The following VCAN variants were observed in gnomAD, a reference collection of about 807,000 sequenced individuals.
VCAN encodes the protein versican, also known as versican core protein.
In VCAN, 44 loss-of-function variants were observed where a neutral mutation model predicts 245.5. That is an observed-to-expected ratio of 0.18 (90% CI 0.14 to 0.23). The LOEUF is 0.23. Ranked by LOEUF, VCAN falls within the 10% of genes least tolerant of loss-of-function variation. The probability of loss-of-function intolerance (pLI) is 1.00; values close to 1 mark genes in which losing one functional copy is unlikely to be tolerated. For missense variants in VCAN, 3,793 were observed against 4,057.9 expected (o/e 0.93, Z 1.77); for synonymous variants, 1,413 against 1,437.0 (o/e 0.98, Z 0.38).
intron 6 of VCAN, among the ~76,000 whole-genome samples, chr5:83,513,953 A>G (rs935372999): frequency 3.3e-5 from 5 of 152,080 alleles, no homozygotes; most frequent in African/African-American, 1.2e-4. Flanking sequence ...TAAAACTGGC[A>G]CTGGAAAACT....
At position 83,521,724 on chromosome 5, in the gene VCAN, T is replaced by C. The variant is rs766439672; in HGVS notation, c.3418T>C (p.Tyr1140His). The C allele has an allele frequency of 1.2e-6, 2 of 1,614,084 alleles. No homozygotes were observed. Among genetic ancestry groups the C allele is most frequent in the Non-Finnish European group, 1.7e-6 (2 of 1,180,004 alleles). Reference sequence around the variant, plus strand: ...TTTAAGTCCAGGGCCTGAACAAAAATATGAAACAGAAGGTAGTAGTACAAC... The same window carrying C: ...TTTAAGTCCAGGGCCTGAACAAAAACATGAAACAGAAGGTAGTAGTACAAC... ...VSLSPGPEQK[Y>H]ETEGSSTTGF... The change falls in exon 7 of 15, where the codon TAT becomes CAT. Residue 1140 changes from tyrosine (Y) to histidine (H), a missense_variant. By Grantham distance (83) the Tyr-to-His change is moderately conservative. Around this residue, in one of 5 missense-constraint regions of VCAN, gnomAD observed 3,182 missense variants for 3,250.3 expected, o/e 0.98. Transcript: ENST00000265077.
Position 83,520,722 on chromosome 5 carries a change from G to A in VCAN, c.2416G>A (p.Asp806Asn). The part of the protein sequence containing the change: ...EAATVSKWSW[D>N]EDNTTSKPLE... ...AGCCACTGTATCAAAATGGTCATGG[G>A]ATGAAGATAATACAACATCCAAGCC... The change falls in exon 7 of 15, where the codon GAT (aspartate) becomes AAT (asparagine). Residue 806 changes from aspartate to asparagine, a missense_variant. Around this residue, in one of 5 missense-constraint regions of VCAN, gnomAD observed 3,182 missense variants for 3,250.3 expected, o/e 0.98. Coordinates refer to ENST00000265077, the MANE Select transcript of VCAN (RefSeq NM_004385.5). The A allele has an allele frequency of 6.2e-7, 1 of 1,614,120 alleles. No individual in the cohort carries two copies. Among genetic ancestry groups the A allele is most frequent in the Non-Finnish European group, 8.5e-7 (1 of 1,179,984 alleles).
chr5:83,568,395 A>G (rs1748162925), intron 12 of VCAN, among the ~76,000 whole-genome samples: 1 of 152,198 alleles, frequency 6.6e-6, no homozygotes, highest in Non-Finnish European at 1.5e-5. Context: ...CTGCACCATT[A>G]AACTACAGCT....
chr5:83,540,799 C>G lies in VCAN; in HGVS notation c.7796C>G (p.Thr2599Arg). ...CTTGGAATGCAAACAGATATAGATACAGAGGTACCATCAGAACCACATGAC... is the reference window on the plus strand; with the variant it reads ...CTTGGAATGCAAACAGATATAGATAGAGAGGTACCATCAGAACCACATGAC... Reference protein sequence around the residue: ...DILGMQTDIDTEVPSEPHDSN... With the variant: ...DILGMQTDIDREVPSEPHDSN... The change falls in exon 8 of 15, where the codon ACA becomes AGA. Residue 2599 changes from threonine to arginine, a missense_variant. Around this residue, in one of 5 missense-constraint regions of VCAN, gnomAD observed 3,182 missense variants for 3,250.3 expected, o/e 0.98. Coordinates refer to ENST00000265077, the MANE Select transcript of VCAN (RefSeq NM_004385.5). 2 of 1,613,916 alleles carry G rather than the reference C, an allele frequency of 1.2e-6. No homozygotes were observed. Among genetic ancestry groups the G allele is most frequent in the Non-Finnish European group, 1.7e-6 (2 of 1,179,954 alleles).
chr5:83,497,720 T>C (rs577124539), intron 5 of VCAN, among the ~76,000 whole-genome samples: 3 of 152,252 alleles, frequency 2.0e-5, no homozygotes, highest in Admixed American at 1.3e-4. Flanking sequence ...TTGGAAAACA[T>C]TGGGAGGGTT....
chr5:83,473,417 C>T (rs1744267844), intron 1 of VCAN, among the ~76,000 whole-genome samples: 1 of 152,136 alleles, frequency 6.6e-6, no homozygotes, highest in South Asian at 2.1e-4. Context: ...TCCTGCCGCG[C>T]GCACACCCGC....
At chr5:83,548,220 T>G (rs997552967) in intron 10 of VCAN, 136 bp downstream of exon 10, 4 of 735,236 alleles carry the variant, frequency 5.4e-6, no homozygotes, top group Non-Finnish European at 9.7e-6. Flanking sequence ...GCTCAAAACA[T>G]CTGAATCATA....
chr5:83,541,128 A>C lies in VCAN; in HGVS notation c.8125A>C (p.Ile2709Leu), dbSNP rs966694558. The C allele has an allele frequency of 6.2e-7, 1 of 1,614,020 alleles. No individual in the cohort carries two copies. Among genetic ancestry groups the C allele is most frequent in the African/African-American group, 1.3e-5 (1 of 74,928 alleles). Residue 2709 changes from isoleucine to leucine, a missense_variant, in exon 8 of 15, where the codon ATA becomes CTA. Physicochemically the swap from Ile to Leu is conservative, Grantham distance 5. This residue lies in a region of VCAN where 3,182 missense variants were observed against 3,250.3 expected (regional missense o/e 0.98). Coordinates refer to ENST00000265077, the MANE Select transcript of VCAN (RefSeq NM_004385.5). ...CACAGTTATTCCAGAGATTGAAGGA[A>C]TAAAAGCTGAAGCAAAAGCCCTGGA... ...SATVIPEIEG[I>L]KAEAKALDDM...
At position 83,539,932 on chromosome 5, in the gene VCAN, A is replaced by T. The variant is rs1746899279; in HGVS notation, c.6929A>T (p.Glu2310Val). The T allele has an allele frequency of 6.2e-7, 1 of 1,614,090 alleles. No homozygotes were observed. Among genetic ancestry groups the T allele is most frequent in the Non-Finnish European group, 8.5e-7 (1 of 1,179,984 alleles). The change falls in exon 8 of 15, where the codon GAA (glutamate) becomes GTA (valine). Residue 2310 changes from glutamate to valine, a missense_variant. By Grantham distance (121) the Glu-to-Val change is moderately radical (BLOSUM62 -2). Transcript: ENST00000265077. Reference protein sequence around the residue: ...DFNRMENVAKEVGPLVSQTDI... With the variant: ...DFNRMENVAKVVGPLVSQTDI... ...AACAGAATGGAAAATGTGGCAAAAG[A>T]AGTTGGACCACTCGTATCTCAAACA...
intron 6 of VCAN, among the ~76,000 whole-genome samples, chr5:83,517,110 A>G (rs545339340): frequency 2.2e-4 from 33 of 152,346 alleles, no homozygotes; most frequent in African/African-American, 7.0e-4. Context: ...ACATATTGCT[A>G]CCACTTTATT....
At chr5:83,505,758 T>C (rs1185818953) in intron 5 of VCAN, among the ~76,000 whole-genome samples, 1 of 152,220 alleles carries the variant, frequency 6.6e-6, no homozygotes, top group African/African-American at 2.4e-5. Context: ...TGCACTGCCC[T>C]AGCAGAGGTT....
intron 14 of VCAN, 48 bp downstream of exon 14, chr5:83,580,210 T>C: frequency 6.2e-7 from 1 of 1,613,916 alleles, no homozygotes; most frequent in Middle Eastern, 1.7e-4. Flanking sequence ...TAACAACTAC[T>C]AGACACCTTC....
Position 83,521,202 on chromosome 5 carries a change from T to C in VCAN, c.2896T>C (p.Tyr966His). The change falls in exon 7 of 15, where the codon TAT (tyrosine) becomes CAT (histidine). Residue 966 changes from tyrosine to histidine, a missense_variant. Physicochemically the swap from Tyr to His is moderately conservative, Grantham distance 83. Around this residue, in one of 5 missense-constraint regions of VCAN, gnomAD observed 3,182 missense variants for 3,250.3 expected, o/e 0.98. Transcript: ENST00000265077. ...TAGTAGCACCCAAGAGCCTACTACT[T>C]ATGTAGACTCTTCCCATACCATTCC... ...SYSSTQEPTT[Y>H]VDSSHTIPLS... The C allele has an allele frequency of 1.2e-6, 2 of 1,613,762 alleles. No individual in the cohort carries two copies. Among genetic ancestry groups the C allele is most frequent in the Non-Finnish European group, 1.7e-6 (2 of 1,179,700 alleles).
Position 83,520,055 on chromosome 5 carries a change from A to C in VCAN, c.1749A>C (p.Ser583=). ...FDQIPEVITV[S]KTSEDTIHTH... is the part of the protein sequence containing the mutation. ...AAATTCCTGAAGTCATTACGGTGTCAAAGACTTCAGAAGACACCATCCACA... is the reference window on the plus strand; with the variant it reads ...AAATTCCTGAAGTCATTACGGTGTCCAAGACTTCAGAAGACACCATCCACA... The change falls in exon 7 of 15, where the codon TCA becomes TCC. Residue 583 remains serine, a synonymous_variant. Coordinates refer to ENST00000265077, the MANE Select transcript of VCAN (RefSeq NM_004385.5). 2.5e-6 allele frequency: 4 copies of C among 1,614,088 alleles called. No homozygotes were observed. The highest frequency in any genetic ancestry group is 3.4e-6 in the Non-Finnish European group (4 of 1,179,970).
At chr5:83,555,637 T>C (rs1005006621) in intron 12 of VCAN, among the ~76,000 whole-genome samples, 5 of 152,208 alleles carry the variant, frequency 3.3e-5, no homozygotes, top group Non-Finnish European at 5.9e-5. Context: ...TGAAGCTGTT[T>C]TGAGTCACTC....
At position 83,539,049 on chromosome 5, in the gene VCAN, G is replaced by A. The variant is rs140222045; in HGVS notation, c.6046G>A (p.Val2016Ile). Residue 2016 changes from valine (V) to isoleucine (I), a missense_variant, in exon 8 of 15, where the codon GTC (valine) becomes ATC (isoleucine). Val to Ile is a conservative substitution (Grantham distance 29). Around this residue, in one of 5 missense-constraint regions of VCAN, gnomAD observed 3,182 missense variants for 3,250.3 expected, o/e 0.98. Coordinates refer to ENST00000265077, the MANE Select transcript of VCAN (RefSeq NM_004385.5). ...AGCTGAGGGCTCAGGTGAGCAACTG[G>A]TCACAGTCAGCAGCTCTGTTGTTCC... ...SSAEGSGEQL[V>I]TVSSSVVPVL... The A allele has an allele frequency of 4.3e-6, 7 of 1,613,872 alleles. No homozygotes were observed. In the African/African-American group the frequency reaches 9.3e-5, roughly 22 times the overall value.
chr5:83,570,984 G>T (rs1748266306), intron 12 of VCAN, among the ~76,000 whole-genome samples: 1 of 152,040 alleles, frequency 6.6e-6, no homozygotes, highest in Non-Finnish European at 1.5e-5. Context: ...TTCAAGGAAA[G>T]ACTAACAGAT....
intron 12 of VCAN, among the ~76,000 whole-genome samples, chr5:83,571,018 A>G (rs1748267932): frequency 6.6e-6 from 1 of 152,176 alleles, no homozygotes; most frequent in Admixed American, 6.5e-5. Context: ...AAAGACAGTC[A>G]TATTAGCCAT....
intron 5 of VCAN, among the ~76,000 whole-genome samples, chr5:83,497,246 A>T (rs571582543): frequency 6.6e-6 from 1 of 152,338 alleles, no homozygotes; most frequent in East Asian, 1.9e-4. Flanking sequence ...TTATTGTGAA[A>T]GATATATAGT....
Sources: gnomAD v4.1 joint callset for allele counts (sites outside exome capture counted in the v4.1 genomes callset) on GRCh38, gnomAD v4.1.1 for gene constraint, gnomAD v4.1.1 regional missense constraint, MANE v1.5 for transcripts, NCBI Gene and HGNC (gene_info 2026-07-23, HGNC 2026-07-21) for gene names.